The following PHLPP1 variants were observed in gnomAD, a reference collection of about 807,000 sequenced individuals.
PHLPP1 encodes the protein PH domain and leucine rich repeat protein phosphatase 1, also known as PH domain leucine-rich repeat-containing protein phosphatase 1.
Under a neutral mutation model 117.2 loss-of-function variants are expected in PHLPP1, and 42 were observed. The observed-to-expected ratio is 0.36, with a 90% confidence interval of 0.28 to 0.46. The LOEUF (loss-of-function observed/expected upper bound fraction) is 0.46. PHLPP1 is among the 20% of genes least tolerant of loss of function. PHLPP1 has a pLI of 1.00. For missense variants in PHLPP1, 2,084 were observed against 2,241.9 expected (o/e 0.93, Z 1.42); for synonymous variants, 1,042 against 970.7 (o/e 1.07, Z -1.37).
chr18:62,717,865 A>G (rs750191495), intron 1 of PHLPP1, among the ~76,000 whole-genome samples: 3 of 151,840 alleles, frequency 2.0e-5, no homozygotes, highest in Non-Finnish European at 4.4e-5. Flanking sequence ...TTTTTGCTCG[A>G]TTTCTGTTTC....
chr18:62,819,016 C>T (rs956993211), intron 1 of PHLPP1, among the ~76,000 whole-genome samples: 2 of 152,080 alleles, frequency 1.3e-5, no homozygotes, highest in Non-Finnish European at 2.9e-5. Context: ...ATGTGTTAGA[C>T]AAAGTAAAAT....
At chr18:62,757,148 G>A (rs1912051107) in intron 1 of PHLPP1, among the ~76,000 whole-genome samples, 1 of 152,178 alleles carries the variant, frequency 6.6e-6, no homozygotes, top group Admixed American at 6.5e-5. Flanking sequence ...CAGTAGGTAG[G>A]TGCCAGTTTA....
intron 1 of PHLPP1, among the ~76,000 whole-genome samples, chr18:62,752,531 ATTTTG>A (rs1911891372): frequency 6.6e-6 from 1 of 152,174 alleles, no homozygotes; most frequent in Non-Finnish European, 1.5e-5. Flanking sequence ...AACTAGAATG[ATTTTG>A]TTTTGTTTCG....
At chr18:62,943,228 C>T (rs1388855419) in intron 11 of PHLPP1, among the ~76,000 whole-genome samples, 1 of 152,188 alleles carries the variant, frequency 6.6e-6, no homozygotes, top group Non-Finnish European at 1.5e-5. Flanking sequence ...TGAATTCTGT[C>T]TCCCTGTGGT....
chr18:62,975,353 T>A (rs1298686025), intron 15 of PHLPP1, 44 bp from the exon 16 acceptor site: 1 of 1,376,568 alleles, frequency 7.3e-7, no homozygotes, highest in Admixed American at 1.7e-5. Flanking sequence ...GAACTGGCAC[T>A]GATGGGCTGT....
intron 2 of PHLPP1, among the ~76,000 whole-genome samples, chr18:62,832,615 AC>A (rs1194504249): frequency 6.6e-6 from 1 of 152,148 alleles, no homozygotes; most frequent in Non-Finnish European, 1.5e-5. Context: ...AACTTGTAAA[AC>A]CTGTTTTATA....
chr18:62,857,515 C>G (rs1363680266), intron 3 of PHLPP1, among the ~76,000 whole-genome samples: 2 of 152,170 alleles, frequency 1.3e-5, no homozygotes, highest in Non-Finnish European at 1.5e-5. Context: ...AGATAGGACA[C>G]TCAGATTGCT....
At chr18:62,922,408 G>T (rs1201704105) in intron 10 of PHLPP1, among the ~76,000 whole-genome samples, 1 of 152,112 alleles carries the variant, frequency 6.6e-6, no homozygotes, top group Non-Finnish European at 1.5e-5. Flanking sequence ...AAGTGCTGGG[G>T]TTACAGGCAT....
At chr18:62,766,389 G>A (rs1416970788) in intron 1 of PHLPP1, among the ~76,000 whole-genome samples, 1 of 151,794 alleles carries the variant, frequency 6.6e-6, no homozygotes, top group Admixed American at 6.6e-5. Context: ...GTCTTCCCTA[G>A]GGGAGGAGAA....
chr18:62,942,701 T>C (rs1389579283), intron 11 of PHLPP1, among the ~76,000 whole-genome samples: 1 of 152,176 alleles, frequency 6.6e-6, no homozygotes, highest in Non-Finnish European at 1.5e-5. Context: ...AAGTTAGGGC[T>C]TGAACACACA....
chr18:62,939,551 G>A (rs183845526), intron 10 of PHLPP1, among the ~76,000 whole-genome samples: 1 of 151,804 alleles, frequency 6.6e-6, no homozygotes, highest in African/African-American at 2.4e-5. Flanking sequence ...AGAAACTGCA[G>A]GAGTGACCTT....
chr18:62,776,234 A>G (rs1016092180), intron 1 of PHLPP1, among the ~76,000 whole-genome samples: 8 of 152,204 alleles, frequency 5.3e-5, no homozygotes, highest in Non-Finnish European at 1.2e-4. Flanking sequence ...CTGGAAACTC[A>G]GACAGGAATT....
intron 3 of PHLPP1, among the ~76,000 whole-genome samples, chr18:62,851,609 C>T (rs193257859): frequency 1.3e-4 from 20 of 152,096 alleles, no homozygotes; most frequent in South Asian, 1.0e-3. Context: ...TACAGGTGTG[C>T]GCCACCACAC....
rs199630749 is a variant in PHLPP1 at position 62,978,776 on chromosome 18, C to T, written c.4499C>T (p.Pro1500Leu). The change falls in exon 17 of 17, where the codon CCC becomes CTC. Residue 1500 changes from proline to leucine, a missense_variant. Pro to Leu is a moderately conservative substitution (Grantham distance 98). Around this residue, in one of 2 missense-constraint regions of PHLPP1, gnomAD observed 1,365 missense variants for 1,605.9 expected, o/e 0.85. Transcript: ENST00000262719. This position sits in a 1 kb window ranked among gnomAD's most constrained non-coding sequence, Gnocchi z 7.0. ...VGSTASDEPP[P>L]GALSENSPAY... is the part of the protein sequence containing the mutation. ...TCAACAGCCTCCGATGAGCCCCCGC[C>T]CGGAGCCCTAAGCGAGAACAGCCCT... 2.1e-4 allele frequency: 338 copies of T among 1,612,952 alleles called. 2 individuals are homozygous for T. The African/African-American group carries it at 3.7e-3, about 18-fold the overall frequency.
intron 1 of PHLPP1, among the ~76,000 whole-genome samples, chr18:62,736,674 G>A (rs529827723): frequency 6.6e-6 from 1 of 152,280 alleles, no homozygotes; most frequent in East Asian, 1.9e-4. Context: ...TAACATTGAA[G>A]GACTGGTTTT....
chr18:62,960,000 C>T (rs1050048891), intron 13 of PHLPP1, among the ~76,000 whole-genome samples: 5 of 152,028 alleles, frequency 3.3e-5, no homozygotes, highest in Admixed American at 6.6e-5. Context: ...AAAAAATGGC[C>T]TACGTGATCT....
In PHLPP1 at chr18:62,782,478, A is replaced by G. The variant is rs149692658; in HGVS notation, c.1577-47557A>G. On this transcript the variant is annotated intron_variant, in intron 1 of 16. Transcript: ENST00000262719. Reference sequence around the variant, plus strand: ...ACTGTGAAGGATTCAATACTAAATAATGGGGCTCTCTCTGCCATATATATT... The same window carrying G: ...ACTGTGAAGGATTCAATACTAAATAGTGGGGCTCTCTCTGCCATATATATT... 6.5e-3 allele frequency among the ~76,000 whole-genome samples: 989 copies of G among 152,316 alleles called. 29 individuals carry two copies. The highest frequency in any genetic ancestry group is 4.7e-3 in the Non-Finnish European group (318 of 68,022).
At position 62,766,076 on chromosome 18, in the gene PHLPP1, A is replaced by AAAATATATATAT; in HGVS notation, c.1576+48818_1576+48819insAATATATATATA. On this transcript the variant is annotated intron_variant, in intron 1 of 16. Transcript: ENST00000262719. ...ACTCCATCTCAAAAAAAAAAAAAAA[A>AAAATATATATAT]ATATATATATATATATATATATATA... Among the ~76,000 whole-genome samples the AAAATATATATAT allele has an allele frequency of 6.5e-4, 14 of 21,662 alleles. 1 individual carries two copies. The highest frequency in any genetic ancestry group is 1.5e-3 in the African/African-American group (10 of 6,724). The allele number at this position is 21,662 out of a possible 152,430, so 14.2% of individuals were successfully genotyped here.
chr18:62,974,634 T>C (rs1911138671), intron 15 of PHLPP1, among the ~76,000 whole-genome samples: 1 of 152,224 alleles, frequency 6.6e-6, no homozygotes, highest in Non-Finnish European at 1.5e-5. Flanking sequence ...TTTCTCTCCC[T>C]TGATAATCTG....
Sources: gnomAD v4.1 joint callset for allele counts (sites outside exome capture counted in the v4.1 genomes callset) on GRCh38, gnomAD v4.1.1 for gene constraint, gnomAD v4.1.1 regional missense constraint, Gnocchi (gnomAD v3.1) non-coding constraint, MANE v1.5 for transcripts, NCBI Gene and HGNC (gene_info 2026-07-23, HGNC 2026-07-21) for gene names.